Variants in CATSPERT observed in about 807,000 individuals in gnomAD.
The protein encoded by CATSPERT is catsper channel auxiliary subunit tau.
At chr2:201,535,513 T>C in the CATSPERT span, 602,755 of 920,956 alleles carry the variant, frequency 0.65, 200,554 homozygotes, top group East Asian at 0.95. Context: ...AATAGTTTTA[T>C]TAAGAATTTC....
chr2:201,560,118 A>AG, the CATSPERT span, among the ~76,000 whole-genome samples: 2 of 152,190 alleles, frequency 1.3e-5, no homozygotes, highest in Admixed American at 6.5e-5. Context: ...TGAAGAATTC[A>AG]ATGACTGAAA....
the CATSPERT span, chr2:201,491,524 T>C: frequency 1.3e-6 from 2 of 1,535,926 alleles, no homozygotes; most frequent in Admixed American, 3.9e-5. Flanking sequence ...CTTTTTATTA[T>C]TGTTATTATT....
the CATSPERT span, among the ~76,000 whole-genome samples, chr2:201,569,202 CT>C: frequency 2.0e-5 from 3 of 152,126 alleles, no homozygotes; most frequent in Non-Finnish European, 4.4e-5. Flanking sequence ...AAGGACCTCC[CT>C]TTCATTAAAG....
chr2:201,524,177 T>C, the CATSPERT span, among the ~76,000 whole-genome samples: 2 of 151,666 alleles, frequency 1.3e-5, no homozygotes, highest in Admixed American at 1.3e-4. Flanking sequence ...CATCAGATTC[T>C]CCAAGGTCAA....
chr2:201,579,288 G>C, the CATSPERT span, among the ~76,000 whole-genome samples: 1 of 152,012 alleles, frequency 6.6e-6, no homozygotes, highest in African/African-American at 2.4e-5. Context: ...TGCCCAGGCT[G>C]GGGTGCAGTG....
the CATSPERT span, among the ~76,000 whole-genome samples, chr2:201,520,027 T>A: frequency 6.6e-6 from 1 of 151,948 alleles, no homozygotes; most frequent in African/African-American, 2.4e-5. Flanking sequence ...TATACCTATA[T>A]CAGACAAAAC....
chr2:201,585,768 A>G, the CATSPERT span, among the ~76,000 whole-genome samples: 1 of 152,200 alleles, frequency 6.6e-6, no homozygotes, highest in African/African-American at 2.4e-5. Flanking sequence ...CATAATTTCT[A>G]TGATAGCCAT....
the CATSPERT span, among the ~76,000 whole-genome samples, chr2:201,580,640 A>G: frequency 6.6e-6 from 1 of 152,350 alleles, no homozygotes; most frequent in Non-Finnish European, 1.5e-5. Context: ...GAGTCCCTGC[A>G]ATCTGGCTGT....
chr2:201,523,175 T>C, the CATSPERT span, among the ~76,000 whole-genome samples: 3 of 152,202 alleles, frequency 2.0e-5, no homozygotes, highest in Non-Finnish European at 4.4e-5. Flanking sequence ...ATGCTGACCC[T>C]GCTGGTGTGC....
the CATSPERT span, among the ~76,000 whole-genome samples, chr2:201,515,232 T>TAG: frequency 6.3e-5 from 5 of 79,466 alleles, 1 homozygote; most frequent in African/African-American, 3.7e-4. Flanking sequence ...TTTTTTTTTT[T>TAG]TTTTTTTTTT....
chr2:201,492,282 C>A, the CATSPERT span: 1 of 1,533,342 alleles, frequency 6.5e-7, no homozygotes, highest in African/African-American at 1.4e-5. Flanking sequence ...TAGAATTAAG[C>A]AAATTTATAT....
At chr2:201,551,345 T>C in the CATSPERT span, among the ~76,000 whole-genome samples, 1 of 152,268 alleles carries the variant, frequency 6.6e-6, no homozygotes, top group South Asian at 2.1e-4. Context: ...TTTAAAGTAC[T>C]ACTATTTTAA....
the CATSPERT span, chr2:201,491,704 G>T: frequency 8.5e-6 from 13 of 1,536,880 alleles, no homozygotes; most frequent in Non-Finnish European, 1.1e-5. Context: ...TGTTAATACT[G>T]CTTCAGGTTT....
the CATSPERT span, chr2:201,574,192 A>G: frequency 1.3e-6 from 2 of 1,572,296 alleles, no homozygotes; most frequent in Admixed American, 3.7e-5. Flanking sequence ...ATAATCTTTT[A>G]AAAGAGGGGA....
chr2:201,492,728 C>T, the CATSPERT span: 9 of 1,535,302 alleles, frequency 5.9e-6, no homozygotes, highest in African/African-American at 1.2e-4. Context: ...ATTTCTTTCA[C>T]AGTTTCAGAA....
At chr2:201,582,313 T>G in the CATSPERT span, 1 of 1,186,260 alleles carries the variant, frequency 8.4e-7, no homozygotes, top group Non-Finnish European at 1.2e-6. Context: ...ATTATGCAAA[T>G]ATTATTATGC....
At chr2:201,569,971 C>T in the CATSPERT span, among the ~76,000 whole-genome samples, 4 of 152,088 alleles carry the variant, frequency 2.6e-5, no homozygotes, top group Admixed American at 2.0e-4. Context: ...CACTTGAGCG[C>T]AGGAGTTCGA....
the CATSPERT span, among the ~76,000 whole-genome samples, chr2:201,526,587 C>T: frequency 2.7e-3 from 405 of 152,278 alleles, 1 homozygote; most frequent in Middle Eastern, 6.8e-3. Flanking sequence ...ATCAAGTAGG[C>T]TTTATTCCTG....
the CATSPERT span, among the ~76,000 whole-genome samples, chr2:201,538,385 T>G: frequency 6.6e-6 from 1 of 152,228 alleles, no homozygotes; most frequent in East Asian, 1.9e-4. Flanking sequence ...GTATGTAGAC[T>G]GGCATATCTC....
Sources: gnomAD v4.1 joint callset for allele counts (sites outside exome capture counted in the v4.1 genomes callset) on GRCh38, gnomAD v4.1.1 for gene constraint, MANE v1.5 for transcripts, NCBI Gene and HGNC (gene_info 2026-07-23, HGNC 2026-07-21) for gene names.